KLF17: variants seen among roughly 807,000 people sequenced by gnomAD.
The protein encoded by KLF17 is Krueppel-like factor 17.
In KLF17, 31 loss-of-function variants were observed where a neutral mutation model predicts 34.2. The ratio of observed to expected loss-of-function variants is 0.91; its 90% CI spans 0.68 to 1.22. The LOEUF is 1.22. Ranked by LOEUF, KLF17 falls within the 50% of genes most tolerant of loss-of-function variation. KLF17 has a pLI of 0.00. For synonymous variants in KLF17, 179 were observed against 186.7 expected (o/e 0.96, Z 0.34); for missense variants, 478 against 505.2 (o/e 0.95, Z 0.52).
the KLF17 span, among the ~76,000 whole-genome samples, chr1:44,105,699 T>A: frequency 1.3e-5 from 2 of 152,232 alleles, no homozygotes; most frequent in Non-Finnish European, 2.9e-5. Flanking sequence ...GAACAATGCT[T>A]CTTAAACTTT....
the KLF17 span, among the ~76,000 whole-genome samples, chr1:44,109,248 A>G: frequency 6.6e-6 from 1 of 152,246 alleles, no homozygotes; most frequent in Non-Finnish European, 1.5e-5. Context: ...GATTTAAATT[A>G]AAGGGGCTTT....
rs975255596 is a variant in KLF17, at chr1:44,118,849, C to A, written c.-59C>A. On this transcript the variant is annotated 5_prime_UTR_variant, in exon 1 of 4. Transcript: ENST00000372299. ...GCGATGTACCGATACCCGCCTGCGA[C>A]GCCGTGGTGGCTGGTTCCCTGTCTC... 6.6e-6 allele frequency: 9 copies of A among 1,359,666 alleles called. No homozygotes were observed. The East Asian group carries it at 2.2e-4, about 33-fold the overall frequency. The allele number at this position is 1,359,666 out of a possible 1,614,324, so 84.2% of individuals were successfully genotyped here.
intron 1 of KLF17, among the ~76,000 whole-genome samples, chr1:44,123,125 A>G (rs1305418523): frequency 2.0e-5 from 3 of 152,110 alleles, no homozygotes; most frequent in African/African-American, 7.2e-5. Flanking sequence ...TGATCATACC[A>G]CTGTATTCCA....
chr1:44,127,535 CTCCTTCCT>C (rs758472075), intron 1 of KLF17, among the ~76,000 whole-genome samples: 1 of 147,868 alleles, frequency 6.8e-6, no homozygotes, highest in Non-Finnish European at 1.5e-5. Flanking sequence ...CCCTCCTTCC[CTCCTTCCT>C]TCCTTCCTTC....
At chr1:44,127,682 CT>C (rs1248538242) in intron 1 of KLF17, among the ~76,000 whole-genome samples, 6 of 50,292 alleles carry the variant, frequency 1.2e-4, no homozygotes, top group African/African-American at 4.2e-4. Flanking sequence ...TTCTTTCTTT[CT>C]TTCTTTCTTT....
chr1:44,087,773 C>CAT, the KLF17 span, among the ~76,000 whole-genome samples: 2 of 75,230 alleles, frequency 2.7e-5, no homozygotes, highest in Non-Finnish European at 5.9e-5. Context: ...TATATATACA[C>CAT]ACACACACAC....
chr1:44,067,449 T>C, the KLF17 span, among the ~76,000 whole-genome samples: 8 of 152,308 alleles, frequency 5.3e-5, no homozygotes, highest in African/African-American at 1.7e-4. Flanking sequence ...GAACAGAGTC[T>C]GACATGAATA....
At chr1:44,074,576 G>A in the KLF17 span, among the ~76,000 whole-genome samples, 2 of 152,186 alleles carry the variant, frequency 1.3e-5, no homozygotes, top group Non-Finnish European at 2.9e-5. Flanking sequence ...GCAACTGTGG[G>A]AAGAAAGACA....
chr1:44,080,473 C>T, the KLF17 span, among the ~76,000 whole-genome samples: 1 of 151,784 alleles, frequency 6.6e-6, no homozygotes, highest in African/African-American at 2.4e-5. Context: ...CTCCTGACCT[C>T]GTGATATGCC....
chr1:44,132,156 A>G (rs2088118986), intron 3 of KLF17, among the ~76,000 whole-genome samples: 1 of 152,148 alleles, frequency 6.6e-6, no homozygotes, highest in Non-Finnish European at 1.5e-5. Context: ...AAATACAAAA[A>G]TTAGCTAGGC....
At chr1:44,056,994 A>G in the KLF17 span, among the ~76,000 whole-genome samples, 1 of 152,084 alleles carries the variant, frequency 6.6e-6, no homozygotes, top group Non-Finnish European at 1.5e-5. Context: ...CCCAAGAAAC[A>G]GATCCCCAAC....
chr1:44,074,276 C>T, the KLF17 span, among the ~76,000 whole-genome samples: 12 of 152,054 alleles, frequency 7.9e-5, no homozygotes, highest in Non-Finnish European at 1.3e-4. Context: ...TCCTCCTCCC[C>T]TCCCCTAATT....
At chr1:44,098,736 G>A in the KLF17 span, among the ~76,000 whole-genome samples, 1 of 151,576 alleles carries the variant, frequency 6.6e-6, no homozygotes, top group Non-Finnish European at 1.5e-5. Flanking sequence ...ATTTTTAGTA[G>A]AGACCAGGTT....
chr1:44,117,432 TTTTA>T (rs2087890666), upstream of KLF17: 1 of 98,678 alleles, frequency 1.0e-5, no homozygotes, highest in South Asian at 4.0e-4. Context: ...ACAGCTCCTT[TTTTA>T]TTTATTTTAT....
the KLF17 span, among the ~76,000 whole-genome samples, chr1:44,098,385 G>T: frequency 6.6e-6 from 1 of 150,738 alleles, no homozygotes; most frequent in African/African-American, 2.4e-5. Flanking sequence ...TGTTAATTTT[G>T]TTTGTCTTTT....
chr1:44,099,847 AAG>A, the KLF17 span, among the ~76,000 whole-genome samples: 1 of 47,052 alleles, frequency 2.1e-5, no homozygotes, highest in Non-Finnish European at 4.2e-5. Context: ...GAAAGAAAGA[AAG>A]AAAGAAAGAA....
the KLF17 span, among the ~76,000 whole-genome samples, chr1:44,057,423 G>A: frequency 6.6e-6 from 1 of 152,130 alleles, no homozygotes. Context: ...TTGGGAAAAG[G>A]AGGTAGCAGT....
At chr1:44,045,937 A>G in the KLF17 span, 171 of 152,214 alleles carry the variant, frequency 1.1e-3, no homozygotes, top group African/African-American at 3.7e-3. Context: ...CAATGTTGTC[A>G]CTAGGTAGTG....
At chr1:44,068,680 C>G in the KLF17 span, among the ~76,000 whole-genome samples, 23 of 152,328 alleles carry the variant, frequency 1.5e-4, no homozygotes, top group African/African-American at 4.8e-4. Flanking sequence ...CCTGCCCTCA[C>G]AGGAAGCTTT....
Sources: allele counts gnomAD v4.1 joint callset (sites outside exome capture counted in the v4.1 genomes callset), GRCh38; gene constraint gnomAD v4.1.1; transcripts MANE v1.5; gene names NCBI Gene and HGNC (gene_info 2026-07-23, HGNC 2026-07-21).